Variants in AKR1C1 observed in about 807,000 individuals in gnomAD.
AKR1C1 encodes aldo-keto reductase family 1 member C1.
In AKR1C1, 32 loss-of-function variants were observed where a neutral mutation model predicts 40.6. That is an observed-to-expected ratio of 0.79 (90% CI 0.60 to 1.06). The LOEUF (loss-of-function observed/expected upper bound fraction) is 1.06, where lower values mean the gene tolerates loss of function less well. Among genes scored for constraint, AKR1C1 ranks in the 50% least tolerant of loss-of-function variants. AKR1C1 has a pLI of 0.00. For synonymous variants in AKR1C1, 105 were observed against 134.2 expected, an observed-to-expected ratio of 0.78 and a Z score of 1.50; for missense variants, 320 against 363.5, an observed-to-expected ratio of 0.88 and a Z score of 0.97.
Position 4,981,692 on chromosome 10 carries a change from G to A in AKR1C1, c.*3950G>A, listed in dbSNP as rs781867802. The stretch of plus-strand genomic sequence containing the variant: ...CTGAGGGGAGAGAGTTCACTCCAGA[G>A]CATACATCCCCACTGGGGATCTGGA... On this transcript the variant is annotated 3_prime_UTR_variant, in exon 9 of 9. Coordinates refer to ENST00000380872, the MANE Select transcript of AKR1C1 (RefSeq NM_001353.6). The A allele has an allele frequency of 1.3e-5, 2 of 152,256 alleles. No homozygotes were observed. Among genetic ancestry groups the A allele is most frequent in the Admixed American group, 1.3e-4 (2 of 15,276 alleles). The allele number at this position is 152,256 out of a possible 1,614,324, so 9.4% of individuals were successfully genotyped here.
At chr10:4,964,653 A>C (rs1292278636) in intron 1 of AKR1C1, among the ~76,000 whole-genome samples, 3 of 152,238 alleles carry the variant, frequency 2.0e-5, no homozygotes, top group African/African-American at 4.8e-5. Context: ...TAAGTCAATA[A>C]TTGTAAATTT....
chr10:4,982,886 AC>A lies in AKR1C1; in HGVS notation c.*5146del. 1 of 434,520 alleles carries A rather than the reference AC, an allele frequency of 2.3e-6. No homozygotes were observed. The highest frequency in any genetic ancestry group is 2.4e-5 in the Admixed American group (1 of 41,270). 26.9% of individuals were successfully genotyped at this position (434,520 alleles called of 1,614,324 possible). A position where few individuals can be genotyped will look rare whatever the true frequency, so the allele number is the denominator to read the frequency against. On this transcript the variant is annotated 3_prime_UTR_variant, in exon 9 of 9. Coordinates refer to ENST00000380872, the MANE Select transcript of AKR1C1 (RefSeq NM_001353.6). ...TGTTACCACTGCGTACCACACCCTG[AC>A]CAGTCAGAGGTCTTGAGTCGGTCCG...
Position 4,977,763 on chromosome 10 carries a change from G to T in AKR1C1, c.*21G>T, listed in dbSNP as rs782801439. On this transcript the variant is annotated 3_prime_UTR_variant, in exon 9 of 9. Transcript: ENST00000380872. ...ATTAACATGGAGGGCATTGCATGAG[G>T]TCTGCCAGAAGGCCCTGCGTGTGGA... is the stretch of plus-strand genomic sequence containing the variant. 1 of 1,604,584 alleles carries T rather than the reference G, an allele frequency of 6.2e-7. No homozygotes were observed. The highest frequency in any genetic ancestry group is 2.2e-5 in the East Asian group (1 of 44,786).
At chr10:4,964,002 A>G in intron 1 of AKR1C1, 1 of 740,838 alleles carries the variant, frequency 1.3e-6, no homozygotes, top group South Asian at 1.5e-5. Flanking sequence ...AGAATTTCTC[A>G]TGTACTATTC....
Position 4,980,960 on chromosome 10 carries a change from A to T in AKR1C1, c.*3218A>T, listed in dbSNP as rs1383005623. On this transcript the variant is annotated 3_prime_UTR_variant, in exon 9 of 9. Transcript: ENST00000380872. ...ATGAAATGTATTTCCTGAACCATAA[A>T]ACAAGAACATCAAAATTACTCTATG... The T allele has an allele frequency of 6.6e-6, 1 of 152,236 alleles. No individual in the cohort carries two copies. Among genetic ancestry groups the T allele is most frequent in the Non-Finnish European group, 1.5e-5 (1 of 68,048 alleles). 9.4% of individuals were successfully genotyped at this position (152,236 alleles called of 1,614,324 possible). A position where few individuals can be genotyped will look rare whatever the true frequency, so the allele number is the denominator to read the frequency against.
At chr10:4,977,095 G>A (rs767671223) in intron 8 of AKR1C1, among the ~76,000 whole-genome samples, 4 of 152,134 alleles carry the variant, frequency 2.6e-5, no homozygotes, top group Non-Finnish European at 4.4e-5. Context: ...AGTTGTAATT[G>A]TACATGTGAG....
intron 5 of AKR1C1, among the ~76,000 whole-genome samples, chr10:4,971,185 T>C (rs1382714947): frequency 1.3e-5 from 2 of 152,084 alleles, no homozygotes; most frequent in Admixed American, 1.3e-4. Context: ...TGTTATTTCC[T>C]TGGGGTTTTT....
rs780820088 is a variant in AKR1C1, at chr10:4,967,049, C to T, written c.369+6C>T. On this transcript the variant is annotated splice_donor_region_variant and intron_variant, in intron 3 of 8. Coordinates refer to ENST00000380872, the MANE Select transcript of AKR1C1 (RefSeq NM_001353.6). ...ATTTTCCAGTGTCTGTAAAGGTAGG[C>T]AGCTTGTGTGATCAAATTAATTTCA... 1 of 1,608,434 alleles carries T rather than the reference C, an allele frequency of 6.2e-7. No individual in the cohort carries two copies. The highest frequency in any genetic ancestry group is 1.1e-5 in the South Asian group (1 of 90,816).
At chr10:4,968,796 C>T in intron 4 of AKR1C1, 26 bp from the exon 5 acceptor site, 1 of 1,609,594 alleles carries the variant, frequency 6.2e-7, no homozygotes, top group Non-Finnish European at 8.5e-7. Context: ...CTTGATCTTC[C>T]ACACCTCACA....
rs1138575 is a variant in AKR1C1 at position 4,965,969 on chromosome 10, G to A, written c.140G>A (p.Arg47His). ...AAATTGGCAATTGAAGCTGGCTTCC[G>A]CCATATTGATTCTGCTCATTTATAC... ...ATKLAIEAGF[R>H]HIDSAHLYNN... Residue 47 changes from arginine to histidine, a missense_variant, in exon 2 of 9, where the codon CGC becomes CAC. Transcript: ENST00000380872. 236 of 1,614,028 alleles carry A rather than the reference G, an allele frequency of 1.5e-4. No homozygotes were observed. Among genetic ancestry groups the A allele is most frequent in the Admixed American group, 1.0e-3 (60 of 59,998 alleles).
At position 4,981,763 on chromosome 10, in the gene AKR1C1, C is replaced by T. The variant is rs1433446012; in HGVS notation, c.*4021C>T. ...GCTTTGATCCTGTGCGGACAAGTGCCTTGAGCAGAATCCACAGGGGAGAGC... is the reference window on the plus strand; with the variant it reads ...GCTTTGATCCTGTGCGGACAAGTGCTTTGAGCAGAATCCACAGGGGAGAGC... On this transcript the variant is annotated 3_prime_UTR_variant, in exon 9 of 9. Transcript: ENST00000380872. 6.6e-6 allele frequency: 1 copy of T among 151,966 alleles called. No individual in the cohort carries two copies. Among genetic ancestry groups the T allele is most frequent in the Non-Finnish European group, 1.5e-5 (1 of 67,906 alleles). 9.4% of individuals were successfully genotyped at this position (151,966 alleles called of 1,614,324 possible). A position where few individuals can be genotyped will look rare whatever the true frequency, so the allele number is the denominator to read the frequency against.
In AKR1C1 at chr10:4,968,411, G is replaced by A. The variant is rs748957967; in HGVS notation, c.447+25G>A. On this transcript the variant is annotated intron_variant, in intron 4 of 8. Coordinates refer to ENST00000380872, the MANE Select transcript of AKR1C1 (RefSeq NM_001353.6). ...GGTGAGTGTTTGGAGGTGAGAGAAC[G>A]GATAAGAAAGATGAGGTAGGATACA... 43 of 1,440,314 alleles carry A rather than the reference G, an allele frequency of 3.0e-5. 1 individual carries two copies. The Middle Eastern group carries it at 1.4e-3, about 48-fold the overall frequency. 89.2% of individuals were successfully genotyped at this position (1,440,314 alleles called of 1,614,324 possible). A position where few individuals can be genotyped will look rare whatever the true frequency, so the allele number is the denominator to read the frequency against.
At chr10:4,977,503 A>T (rs1554770600) in intron 8 of AKR1C1, among the ~76,000 whole-genome samples, 197 bp from the exon 9 acceptor site, 1 of 152,232 alleles carries the variant, frequency 6.6e-6, no homozygotes, top group African/African-American at 2.4e-5. Context: ...GGGGAATAGA[A>T]TTAAATTATT....
At chr10:4,971,752 TA>T (rs1836432236) in intron 5 of AKR1C1, among the ~76,000 whole-genome samples, 1 of 151,700 alleles carries the variant, frequency 6.6e-6, no homozygotes, top group Non-Finnish European at 1.5e-5. Context: ...GCATATATGA[TA>T]TATATATTAT....
chr10:4,967,098 G>T (rs759863836), intron 3 of AKR1C1, 55 bp downstream of exon 3: 1 of 1,528,164 alleles, frequency 6.5e-7, no homozygotes, highest in South Asian at 1.1e-5. Context: ...CATAAATATT[G>T]TTTTTATGGA....
chr10:4,972,863 T>C, intron 7 of AKR1C1, 114 bp downstream of exon 7: 2 of 1,449,938 alleles, frequency 1.4e-6, no homozygotes, highest in Non-Finnish European at 1.8e-6. Flanking sequence ...GTATTTCCTA[T>C]GCATGAACTC....
rs7906245 is a variant in AKR1C1 at position 4,981,792 on chromosome 10, A to T, written c.*4050A>T. ...AGCAGAATCCACAGGGGAGAGCTGG[A>T]AGTGCATGGCAGATATGAGCACAGA... On this transcript the variant is annotated 3_prime_UTR_variant, in exon 9 of 9. Coordinates refer to ENST00000380872, the MANE Select transcript of AKR1C1 (RefSeq NM_001353.6). The T allele has an allele frequency of 0.33, 49,496 of 152,100 alleles. 8,584 individuals carry two copies. The highest frequency in any genetic ancestry group is 0.41 in the African/African-American group (17,085 of 41,454). 9.4% of individuals were successfully genotyped at this position (152,100 alleles called of 1,614,324 possible). A position where few individuals can be genotyped will look rare whatever the true frequency, so the allele number is the denominator to read the frequency against.
At chr10:4,971,509 A>T (rs1256780459) in intron 5 of AKR1C1, among the ~76,000 whole-genome samples, 1 of 114,818 alleles carries the variant, frequency 8.7e-6, no homozygotes, top group East Asian at 3.0e-4. Flanking sequence ...TATATATTAT[A>T]TATATATATA....
At chr10:4,969,649 C>T in intron 5 of AKR1C1, 1 of 1,607,270 alleles carries the variant, frequency 6.2e-7, no homozygotes, top group Non-Finnish European at 8.5e-7. Context: ...TTAAACACAT[C>T]TATTCTCTAT....
Sources: allele counts gnomAD v4.1 joint callset (sites outside exome capture counted in the v4.1 genomes callset), GRCh38; gene constraint gnomAD v4.1.1; transcripts MANE v1.5; gene names NCBI Gene and HGNC (gene_info 2026-07-23, HGNC 2026-07-21).